The following RNF180 variants were observed in gnomAD, a reference collection of about 807,000 sequenced individuals.
RNF180 encodes the protein ring finger protein 180, also known as E3 ubiquitin-protein ligase RNF180.
A neutral mutation model predicts 59.2 loss-of-function variants in RNF180; 38 were observed. The observed-to-expected ratio is 0.64, with a 90% CI of 0.50 to 0.84. The LOEUF (loss-of-function observed/expected upper bound fraction) is 0.84, where lower values mean the gene tolerates loss of function less well. Ranked by LOEUF, RNF180 falls within the 40% of genes least tolerant of loss-of-function variation. The pLI, the probability that RNF180 is intolerant of heterozygous loss-of-function variation, is 0.00. For synonymous variants in RNF180, 262 were observed against 240.3 expected (o/e 1.09, Z -0.84); for missense variants, 705 against 700.9 (o/e 1.01, Z -0.07).
At chr5:64,362,703 T>A (rs1194031488) in intron 7 of RNF180, among the ~76,000 whole-genome samples, 1 of 151,722 alleles carries the variant, frequency 6.6e-6, no homozygotes, top group East Asian at 1.9e-4. Flanking sequence ...TACACTCCCA[T>A]CAACAGTGTA....
At chr5:64,331,382 C>T (rs935335862) in intron 7 of RNF180, among the ~76,000 whole-genome samples, 2 of 152,174 alleles carry the variant, frequency 1.3e-5, no homozygotes, top group African/African-American at 2.4e-5. Context: ...ACTTACAGTG[C>T]TTTTTCCAGG....
intron 5 of RNF180, among the ~76,000 whole-genome samples, chr5:64,322,602 C>CGTGTGTGT (rs76117470): frequency 0.12 from 16,618 of 143,324 alleles, 1,066 homozygotes; most frequent in East Asian, 0.22. Context: ...TATATATATA[C>CGTGTGTGT]GTGTGTGTGT....
intron 5 of RNF180, among the ~76,000 whole-genome samples, chr5:64,257,371 T>C (rs1744036187): frequency 6.6e-6 from 1 of 152,198 alleles, no homozygotes; most frequent in South Asian, 2.1e-4. Flanking sequence ...TTTTGAGATA[T>C]GTTCCATCAA....
chr5:64,273,422 A>G (rs1001603389), intron 5 of RNF180, among the ~76,000 whole-genome samples: 1 of 152,026 alleles, frequency 6.6e-6, no homozygotes, highest in Admixed American at 6.6e-5. Context: ...CACTTAAAAC[A>G]GAAGAGAAAA....
intron 7 of RNF180, among the ~76,000 whole-genome samples, chr5:64,351,295 G>A (rs1313464794): frequency 1.3e-5 from 2 of 152,176 alleles, no homozygotes; most frequent in African/African-American, 2.4e-5. Flanking sequence ...AGCTTAAGGA[G>A]ATTTTGGGCT....
intron 5 of RNF180, among the ~76,000 whole-genome samples, chr5:64,270,443 T>C (rs77024142): frequency 0.019 from 2,870 of 152,274 alleles, 89 homozygotes; most frequent in African/African-American, 0.065. Flanking sequence ...CCCAGGAATT[T>C]CAGGGATTCT....
chr5:64,217,362 G>T lies in RNF180; in HGVS notation c.1193G>T (p.Gly398Val). ...RRRERWLQKQ[G>V]KYSGVGLLDH... is the part of the protein sequence containing the mutation. The stretch of plus-strand genomic sequence containing the variant: ...GAACCTAATTTTTTATTTCTCTAGG[G>T]TAAATACTCAGGAGTGGGATTGCTG... Residue 398 changes from glycine (G) to valine (V), a missense_variant and splice_region_variant, in exon 5 of 8, where the codon GGT becomes GTT. Transcript: ENST00000389100. 1 of 1,406,248 alleles carries T rather than the reference G, an allele frequency of 7.1e-7. No individual in the cohort carries two copies. The highest frequency in any genetic ancestry group is 9.3e-7 in the Non-Finnish European group (1 of 1,075,414). The allele number at this position is 1,406,248 out of a possible 1,614,324, so 87.1% of individuals were successfully genotyped here. A position where few individuals can be genotyped will look rare whatever the true frequency, so the allele number is the denominator to read the frequency against.
chr5:64,255,135 A>C (rs115836763), intron 5 of RNF180, among the ~76,000 whole-genome samples: 1,768 of 152,278 alleles, frequency 0.012, 34 homozygotes, highest in African/African-American at 0.04. Flanking sequence ...TATCTAAAAA[A>C]TGTTGACATT....
In RNF180 at chr5:64,228,685, AT is replaced by A. The variant is rs375281320; in HGVS notation, c.1227+11290del. Among the ~76,000 whole-genome samples, 31 of 152,230 alleles carry A rather than the reference AT, an allele frequency of 2.0e-4. 1 individual carries two copies. The South Asian group carries it at 4.6e-3, about 22-fold the overall frequency. ...CAGTATTTTGTAAAACGTTAAAAAAATCATTATAAGTCATTACCCTAATATT... is the reference window on the plus strand; with the variant it reads ...CAGTATTTTGTAAAACGTTAAAAAAACATTATAAGTCATTACCCTAATATT... On this transcript the variant is annotated intron_variant, in intron 5 of 7. Transcript: ENST00000389100.
intron 6 of RNF180, among the ~76,000 whole-genome samples, chr5:64,327,900 C>T (rs1744723080): frequency 6.6e-6 from 1 of 152,178 alleles, no homozygotes; most frequent in Non-Finnish European, 1.5e-5. Flanking sequence ...AGATCTATCT[C>T]TCTCTCTTTA....
At chr5:64,196,110 G>A (rs1751443073) in intron 1 of RNF180, among the ~76,000 whole-genome samples, 1 of 151,932 alleles carries the variant, frequency 6.6e-6, no homozygotes, top group African/African-American at 2.4e-5. Context: ...TGTTATTCAA[G>A]GGCCTGTTGT....
intron 5 of RNF180, among the ~76,000 whole-genome samples, chr5:64,265,816 A>G (rs1355809090): frequency 6.6e-6 from 1 of 152,096 alleles, no homozygotes; most frequent in Non-Finnish European, 1.5e-5. Context: ...TTTGGGCAGT[A>G]TGGCCATTTT....
intron 5 of RNF180, among the ~76,000 whole-genome samples, chr5:64,230,786 A>G (rs1742053117): frequency 6.6e-6 from 1 of 152,230 alleles, no homozygotes; most frequent in Non-Finnish European, 1.5e-5. Context: ...GCTACTATTT[A>G]CAGGTCTTGA....
intron 5 of RNF180, among the ~76,000 whole-genome samples, chr5:64,321,890 A>T (rs1390724470): frequency 6.6e-6 from 1 of 152,210 alleles, no homozygotes; most frequent in African/African-American, 2.4e-5. Flanking sequence ...GACAAACCTG[A>T]TAAAAACAAG....
intron 5 of RNF180, among the ~76,000 whole-genome samples, chr5:64,303,472 AAGTGCTACTCC>A (rs575979381): frequency 6.3e-4 from 95 of 151,804 alleles, no homozygotes; most frequent in African/African-American, 2.3e-3. Flanking sequence ...AAGAAATTAA[AAGTGCTACTCC>A]AGTGAATACA....
intron 2 of RNF180, among the ~76,000 whole-genome samples, chr5:64,206,564 G>A (rs1752025623): frequency 6.6e-6 from 1 of 152,018 alleles, no homozygotes; most frequent in Admixed American, 6.6e-5. Flanking sequence ...TTAATACTTT[G>A]TGTTCGCTCT....
intron 5 of RNF180, among the ~76,000 whole-genome samples, chr5:64,264,400 G>A (rs1031705414): frequency 2.0e-5 from 3 of 151,872 alleles, no homozygotes; most frequent in Non-Finnish European, 4.4e-5. Context: ...CCCCCGACAG[G>A]CCCCAGTGTG....
At chr5:64,197,111 G>A (rs1751491533) in intron 1 of RNF180, among the ~76,000 whole-genome samples, 1 of 152,186 alleles carries the variant, frequency 6.6e-6, no homozygotes, top group African/African-American at 2.4e-5. Flanking sequence ...ACCATAAAGT[G>A]TAGCAAATAG....
At chr5:64,358,473 A>C (rs1746114038) in intron 7 of RNF180, among the ~76,000 whole-genome samples, 1 of 151,782 alleles carries the variant, frequency 6.6e-6, no homozygotes, top group Non-Finnish European at 1.5e-5. Context: ...GATGTAATGG[A>C]TAATCTTTTA....
Sources: gnomAD v4.1 joint callset for allele counts (sites outside exome capture counted in the v4.1 genomes callset) on GRCh38, gnomAD v4.1.1 for gene constraint, MANE v1.5 for transcripts, NCBI Gene and HGNC (gene_info 2026-07-23, HGNC 2026-07-21) for gene names.